Variants in SSPN observed in about 807,000 individuals in gnomAD.
SSPN encodes K-ras oncogene-associated protein.
In SSPN, 15 loss-of-function variants were observed where a neutral mutation model predicts 19.1. The observed-to-expected ratio is 0.78, with a 90% CI of 0.52 to 1.21. The LOEUF (loss-of-function observed/expected upper bound fraction) is 1.21, where lower values mean the gene tolerates loss of function less well. Among genes scored for constraint, SSPN ranks in the 50% most tolerant of loss-of-function variants. The pLI is 0.00. For missense variants in SSPN, 291 were observed against 314.0 expected, an observed-to-expected ratio of 0.93 and a Z score of 0.55; for synonymous variants, 147 against 140.3, an observed-to-expected ratio of 1.05 and a Z score of -0.34.
intron 2 of SSPN, among the ~76,000 whole-genome samples, chr12:26,228,684 C>T (rs1462431936): frequency 6.6e-6 from 1 of 151,872 alleles, no homozygotes; most frequent in Non-Finnish European, 1.5e-5. Flanking sequence ...AGAACATGGT[C>T]AAGACAGTTT....
chr12:26,197,097 A>T (rs1374773079), intron 1 of SSPN, among the ~76,000 whole-genome samples: 1 of 152,216 alleles, frequency 6.6e-6, no homozygotes, highest in Non-Finnish European at 1.5e-5. Context: ...AATGTGGTCG[A>T]ATCAAGAGAG....
chr12:26,133,585 A>G (rs1349606244), intron 1 of SSPN, among the ~76,000 whole-genome samples: 1 of 144,102 alleles, frequency 6.9e-6, no homozygotes, highest in African/African-American at 2.6e-5. Context: ...GTTTTGGGAA[A>G]AACTGTTACT....
intron 1 of SSPN, chr12:26,124,958 G>GCACACA: frequency 1.4e-6 from 1 of 690,570 alleles, no homozygotes; most frequent in Non-Finnish European, 2.6e-6. Context: ...CACCGCGCTC[G>GCACACA]CACACACACA....
chr12:26,203,814 G>T (rs747839005), intron 1 of SSPN, among the ~76,000 whole-genome samples: 1 of 152,144 alleles, frequency 6.6e-6, no homozygotes, highest in Non-Finnish European at 1.5e-5. Flanking sequence ...ATGGTCAGGG[G>T]CTAGGGAGGG....
chr12:26,180,749 T>C (rs1944713580), intron 1 of SSPN: 1 of 152,218 alleles, frequency 6.6e-6, no homozygotes, highest in Non-Finnish European at 1.5e-5. Flanking sequence ...ATATTTGCCT[T>C]TTCATCTTCT....
At chr12:26,210,683 A>T (rs1227412389) in intron 1 of SSPN, among the ~76,000 whole-genome samples, 1 of 152,126 alleles carries the variant, frequency 6.6e-6, no homozygotes. Flanking sequence ...ATCTGTTGAG[A>T]CAGAACAATT....
intron 1 of SSPN, among the ~76,000 whole-genome samples, chr12:26,172,217 G>T (rs374250852): frequency 2.6e-5 from 4 of 152,090 alleles, no homozygotes; most frequent in Admixed American, 1.3e-4. Flanking sequence ...CTTATTCAGC[G>T]TAAAGTATAC....
chr12:26,171,725 TCA>T (rs1437764193), intron 1 of SSPN, among the ~76,000 whole-genome samples: 3 of 152,198 alleles, frequency 2.0e-5, no homozygotes, highest in Admixed American at 6.5e-5. Context: ...TTAAAAGATC[TCA>T]GTTTTAACTT....
At chr12:26,140,409 T>A (rs1220314937) in intron 1 of SSPN, among the ~76,000 whole-genome samples, 1 of 152,202 alleles carries the variant, frequency 6.6e-6, no homozygotes, top group Non-Finnish European at 1.5e-5. Flanking sequence ...TTCTCAAATC[T>A]GGACAGTCCT....
chr12:26,122,775 T>G (rs762771533), intron 1 of SSPN: 1 of 1,588,390 alleles, frequency 6.3e-7, no homozygotes, highest in South Asian at 1.1e-5. Flanking sequence ...CGGCCGGGCC[T>G]CGGCTTCGCC....
chr12:26,210,516 C>T (rs1192118582), intron 1 of SSPN, among the ~76,000 whole-genome samples: 1 of 152,046 alleles, frequency 6.6e-6, no homozygotes, highest in East Asian at 1.9e-4. Flanking sequence ...CTCTGTGTCT[C>T]TCTCTCTCTG....
chr12:26,157,400 G>A (rs763572900), intron 1 of SSPN, among the ~76,000 whole-genome samples: 6 of 152,116 alleles, frequency 3.9e-5, no homozygotes, highest in African/African-American at 1.4e-4. Flanking sequence ...TGGAGTCTTG[G>A]TTTTATACAT....
chr12:26,125,971 T>C (rs1405773020), intron 1 of SSPN: 2 of 150,466 alleles, frequency 1.3e-5, no homozygotes, highest in Non-Finnish European at 2.9e-5. Context: ...GCCCGGAGTG[T>C]GCAGAGCCCA....
intron 1 of SSPN, among the ~76,000 whole-genome samples, chr12:26,210,315 C>T (rs1171258851): frequency 1.3e-5 from 2 of 152,032 alleles, no homozygotes; most frequent in Non-Finnish European, 2.9e-5. Context: ...ACTAATAATA[C>T]ACCTAACAAG....
At chr12:26,122,790 T>C in intron 1 of SSPN, 1 of 1,591,504 alleles carries the variant, frequency 6.3e-7, no homozygotes, top group Non-Finnish European at 8.5e-7. Flanking sequence ...TTCGCCGCCG[T>C]AGCCGCTGTC....
chr12:26,134,229 A>T (rs1302780986), intron 1 of SSPN, among the ~76,000 whole-genome samples: 2 of 151,948 alleles, frequency 1.3e-5, no homozygotes, highest in Non-Finnish European at 2.9e-5. Flanking sequence ...TCCTTCACTC[A>T]CACTGTTTTG....
intron 1 of SSPN, among the ~76,000 whole-genome samples, chr12:26,216,322 C>G (rs1021102068): frequency 6.6e-6 from 1 of 152,156 alleles, no homozygotes; most frequent in African/African-American, 2.4e-5. Context: ...TGCGAATTGT[C>G]AGTGATGATG....
Position 26,232,720 on chromosome 12 carries a change from T to C in SSPN, c.*1644T>C. 1 of 984,752 alleles carries C rather than the reference T, an allele frequency of 1.0e-6. No individual in the cohort carries two copies. Among genetic ancestry groups the C allele is most frequent in the Non-Finnish European group, 1.2e-6 (1 of 829,400 alleles). The allele number at this position is 984,752 out of a possible 1,614,324, so 61.0% of individuals were successfully genotyped here. A position where few individuals can be genotyped will look rare whatever the true frequency, so the allele number is the denominator to read the frequency against. ...TAGAGGATTGTAAATATCTTTTATG[T>C]CCTCTAGATAAAACACCCGATTAAC... On this transcript the variant is annotated 3_prime_UTR_variant, in exon 3 of 3. Coordinates refer to ENST00000242729, the MANE Select transcript of SSPN (RefSeq NM_005086.5).
intron 2 of SSPN, among the ~76,000 whole-genome samples, chr12:26,229,293 AG>A (rs1471299675): frequency 6.6e-6 from 1 of 152,256 alleles, no homozygotes; most frequent in Non-Finnish European, 1.5e-5. Flanking sequence ...TAGACAGTCA[AG>A]CTGTATGTAA....
Sources: gnomAD v4.1 joint callset for allele counts (sites outside exome capture counted in the v4.1 genomes callset) on GRCh38, gnomAD v4.1.1 for gene constraint, MANE v1.5 for transcripts, NCBI Gene and HGNC (gene_info 2026-07-23, HGNC 2026-07-21) for gene names.